MAGI2: variants seen among roughly 807,000 people sequenced by gnomAD.
The protein encoded by MAGI2 is membrane associated guanylate kinase, WW and PDZ domain containing 2.
MAGI2 carries 35 observed loss-of-function variants against 133.3 expected under a neutral mutation model. The observed-to-expected ratio is 0.26, with a 90% CI of 0.20 to 0.35. The LOEUF (loss-of-function observed/expected upper bound fraction) is 0.35, where lower values mean the gene tolerates loss of function less well. Among genes scored for constraint, MAGI2 ranks in the 10% least tolerant of loss-of-function variants. The probability of loss-of-function intolerance (pLI) is 1.00; values close to 1 mark genes in which losing one functional copy is unlikely to be tolerated. For synonymous variants in MAGI2, 729 were observed against 710.6 expected (o/e 1.03, Z -0.41); for missense variants, 1,636 against 1,863.4 (o/e 0.88, Z 2.25).
intron 1 of MAGI2, among the ~76,000 whole-genome samples, chr7:79,290,155 C>G (rs1377185999): frequency 6.6e-6 from 1 of 151,930 alleles, no homozygotes; most frequent in Non-Finnish European, 1.5e-5. Context: ...TGTTTAGTGA[C>G]TTCTAAGGGT....
chr7:78,958,971 G>C (rs985934027), intron 2 of MAGI2, among the ~76,000 whole-genome samples: 5 of 152,124 alleles, frequency 3.3e-5, no homozygotes, highest in Non-Finnish European at 7.4e-5. Flanking sequence ...CATGCTGAAT[G>C]CCTCTCATAC....
intron 19 of MAGI2, among the ~76,000 whole-genome samples, chr7:78,126,888 C>T (rs1188519416): frequency 1.3e-5 from 2 of 152,236 alleles, no homozygotes; most frequent in African/African-American, 4.8e-5. Flanking sequence ...ATTTTTAAAA[C>T]TTTGACAAGG....
chr7:78,159,604 G>A (rs958463385), intron 16 of MAGI2, among the ~76,000 whole-genome samples: 5 of 152,052 alleles, frequency 3.3e-5, no homozygotes, highest in Non-Finnish European at 7.4e-5. Context: ...CTTCTGCCTG[G>A]ACTGATTTTT....
At chr7:79,101,270 A>G (rs951772607) in intron 1 of MAGI2, among the ~76,000 whole-genome samples, 25 of 152,154 alleles carry the variant, frequency 1.6e-4, no homozygotes, top group Non-Finnish European at 3.4e-4. Context: ...CCTGATTTAC[A>G]TTTAACATAA....
chr7:78,278,866 G>C (rs80324898), intron 9 of MAGI2, among the ~76,000 whole-genome samples: 2,946 of 152,192 alleles, frequency 0.019, 98 homozygotes, highest in African/African-American at 0.067. Context: ...CTCTGGTTTT[G>C]TTTCTCTGGA....
At chr7:79,206,173 G>A in intron 1 of MAGI2, among the ~76,000 whole-genome samples, 1 of 147,990 alleles carries the variant, frequency 6.8e-6, no homozygotes, top group African/African-American at 2.5e-5. Context: ...TAAGAAACTA[G>A]AGAAATAAAA....
intron 7 of MAGI2, among the ~76,000 whole-genome samples, chr7:78,368,342 C>G (rs1386125091): frequency 6.6e-6 from 1 of 152,156 alleles, no homozygotes; most frequent in Non-Finnish European, 1.5e-5. Context: ...AAAGTAGGAT[C>G]TTGATGAACA....
chr7:78,112,272 C>T (rs982552278), intron 20 of MAGI2, among the ~76,000 whole-genome samples: 20 of 152,116 alleles, frequency 1.3e-4, no homozygotes, highest in Non-Finnish European at 2.5e-4. Flanking sequence ...ACTGTTTGAC[C>T]TTATTTTACT....
chr7:78,670,526 C>A (rs1814243799), intron 2 of MAGI2, among the ~76,000 whole-genome samples: 1 of 152,166 alleles, frequency 6.6e-6, no homozygotes, highest in Non-Finnish European at 1.5e-5. Context: ...AATGCCATCC[C>A]CATCAAGCTA....
chr7:78,380,117 GAAC>G (rs1398392516), intron 6 of MAGI2, among the ~76,000 whole-genome samples: 1 of 149,064 alleles, frequency 6.7e-6, no homozygotes, highest in Non-Finnish European at 1.5e-5. Context: ...GCTATAAAAA[GAAC>G]AACAAAGGAA....
chr7:79,253,888 C>T (rs1833500228), intron 1 of MAGI2, among the ~76,000 whole-genome samples: 1 of 152,038 alleles, frequency 6.6e-6, no homozygotes, highest in Admixed American at 6.6e-5. Flanking sequence ...ATATAGTCTG[C>T]CAAGTTGACT....
intron 1 of MAGI2, among the ~76,000 whole-genome samples, chr7:79,363,833 A>G (rs919295533): frequency 1.3e-5 from 2 of 151,936 alleles, no homozygotes; most frequent in African/African-American, 4.8e-5. Context: ...GTAAATATCC[A>G]AAATATATAA....
At chr7:79,372,563 G>T (rs1211499392) in intron 1 of MAGI2, among the ~76,000 whole-genome samples, 1 of 152,030 alleles carries the variant, frequency 6.6e-6, no homozygotes, top group African/African-American at 2.4e-5. Flanking sequence ...AAGACGGCAT[G>T]TAGTTAGGTA....
intron 1 of MAGI2, among the ~76,000 whole-genome samples, chr7:79,437,187 C>A (rs1203041929): frequency 6.6e-6 from 1 of 152,098 alleles, no homozygotes; most frequent in African/African-American, 2.4e-5. Context: ...ACACTGGGGA[C>A]TACCAGAGGT....
rs372026710 is a variant in MAGI2, at chr7:79,429,859, G to A, written c.301+23161C>T. On this transcript the variant is annotated intron_variant, in intron 1 of 21. Coordinates refer to ENST00000354212, the MANE Select transcript of MAGI2 (RefSeq NM_012301.4). Reference sequence around the variant, plus strand: ...TCAGAAGTCTACCAAATGATTAAGAGGATTGAGGAGTTGACTTTACAAGTT... The same window carrying A: ...TCAGAAGTCTACCAAATGATTAAGAAGATTGAGGAGTTGACTTTACAAGTT... Among the ~76,000 whole-genome samples, 69 of 152,096 alleles carry A rather than the reference G, an allele frequency of 4.5e-4. 1 individual carries two copies. In the South Asian group the frequency reaches 0.013, roughly 29 times the overall value.
intron 2 of MAGI2, among the ~76,000 whole-genome samples, chr7:78,945,861 C>A (rs1385694080): frequency 6.6e-6 from 1 of 152,184 alleles, no homozygotes; most frequent in Non-Finnish European, 1.5e-5. Flanking sequence ...TTGACTTCAT[C>A]TTCGGGATCT....
chr7:79,293,124 C>A (rs1836639150), intron 1 of MAGI2, among the ~76,000 whole-genome samples: 1 of 152,146 alleles, frequency 6.6e-6, no homozygotes. Context: ...CTGAACAGAG[C>A]ATGTTTATTC....
chr7:78,756,390 T>G (rs556142329), intron 2 of MAGI2, among the ~76,000 whole-genome samples: 95 of 151,968 alleles, frequency 6.3e-4, no homozygotes, highest in Non-Finnish European at 1.2e-3. Flanking sequence ...TGTAAATAAC[T>G]GTTTATTCTG....
chr7:78,586,589 G>T (rs967730072), intron 3 of MAGI2, among the ~76,000 whole-genome samples: 7 of 151,986 alleles, frequency 4.6e-5, no homozygotes, highest in African/African-American at 1.7e-4. Context: ...GCATAACAAA[G>T]AATTTGCCAT....
Sources: gnomAD v4.1 joint callset for allele counts (sites outside exome capture counted in the v4.1 genomes callset) on GRCh38, gnomAD v4.1.1 for gene constraint, MANE v1.5 for transcripts, NCBI Gene and HGNC (gene_info 2026-07-23, HGNC 2026-07-21) for gene names.